The following MXI1 variants were observed in gnomAD, a reference collection of about 807,000 sequenced individuals.
The protein encoded by MXI1 is MAX interactor 1, dimerization protein.
A neutral mutation model predicts 36.9 loss-of-function variants in MXI1; 18 were observed. The ratio of observed to expected loss-of-function variants is 0.49; its 90% CI spans 0.34 to 0.72. The LOEUF (loss-of-function observed/expected upper bound fraction) is 0.72. Among genes scored for constraint, MXI1 ranks in the 30% least tolerant of loss-of-function variants. MXI1 has a pLI of 0.01. For synonymous variants in MXI1, 160 were observed against 146.7 expected, an observed-to-expected ratio of 1.09 and a Z score of -0.65; for missense variants, 304 against 379.1, an observed-to-expected ratio of 0.80 and a Z score of 1.64.
At chr10:110,221,852 A>G (rs1473029148) in intron 1 of MXI1, among the ~76,000 whole-genome samples, 1 of 151,892 alleles carries the variant, frequency 6.6e-6, no homozygotes, top group African/African-American at 2.4e-5. Context: ...CAGCTCGGGC[A>G]GCACCTGAGT....
At chr10:110,255,222 A>G (rs1856242690) in intron 3 of MXI1, among the ~76,000 whole-genome samples, 1 of 152,176 alleles carries the variant, frequency 6.6e-6, no homozygotes, top group Non-Finnish European at 1.5e-5. Context: ...TGCTCTGTAA[A>G]TGGAACAATA....
rs940200293 is a variant in MXI1, at chr10:110,280,032, G to T, written c.671G>T (p.Arg224Leu). The part of the protein sequence containing the change: ...LQGPQEMERI[R>L]MDSIGSTISS... ...GGTCCTCAGGAGATGGAACGAATAC[G>T]AATGGACAGCATTGGATCAACTATT... Residue 224 changes from arginine (R) to leucine (L), a missense_variant, in exon 5 of 6, where the codon CGA becomes CTA. By Grantham distance (102) the Arg-to-Leu change is moderately radical. This residue lies in a region of MXI1 where 125 missense variants were observed against 194.3 expected (regional missense o/e 0.64). Coordinates refer to ENST00000332674, the MANE Select transcript of MXI1 (RefSeq NM_130439.3). 5.6e-6 allele frequency: 9 copies of T among 1,605,578 alleles called. No individual in the cohort carries two copies. Among genetic ancestry groups the T allele is most frequent in the Non-Finnish European group, 7.7e-6 (9 of 1,174,598 alleles).
In MXI1 at chr10:110,256,622, A is replaced by G. The variant is rs200111512; in HGVS notation, c.437+11765A>G. Among the ~76,000 whole-genome samples, 311 of 151,340 alleles carry G rather than the reference A, an allele frequency of 2.1e-3. 12 individuals carry two copies. The East Asian group carries it at 0.043, about 21-fold the overall frequency. Reference sequence around the variant, plus strand: ...TGTCTCAAAAAAAAAAAAAAAAAAAAAAAAAAAGAAATGGCCAATATACAT... The same window carrying G: ...TGTCTCAAAAAAAAAAAAAAAAAAAGAAAAAAAGAAATGGCCAATATACAT... On this transcript the variant is annotated intron_variant, in intron 3 of 5. Transcript: ENST00000332674.
At chr10:110,284,428 C>T (rs1346296225) in intron 5 of MXI1, among the ~76,000 whole-genome samples, 1 of 152,040 alleles carries the variant, frequency 6.6e-6, no homozygotes, top group Non-Finnish European at 1.5e-5. Flanking sequence ...ATGCTCCTGC[C>T]CACCCTTTAA....
chr10:110,243,192 G>A (rs1050786351), intron 2 of MXI1, among the ~76,000 whole-genome samples: 2 of 151,908 alleles, frequency 1.3e-5, no homozygotes, highest in African/African-American at 4.8e-5. Flanking sequence ...TTTGAGCTCC[G>A]AGTCTCTGTT....
chr10:110,220,460 G>T (rs1854774410), intron 1 of MXI1, among the ~76,000 whole-genome samples: 1 of 152,228 alleles, frequency 6.6e-6, no homozygotes, highest in South Asian at 2.1e-4. Flanking sequence ...GAGGCTGAGA[G>T]AACGCAGATA....
At position 110,283,264 on chromosome 10, in the gene MXI1, C is replaced by CTT. The variant is rs573643785; in HGVS notation, c.725-1546_725-1545dup. 4.1e-3 allele frequency among the ~76,000 whole-genome samples: 596 copies of CTT among 144,016 alleles called. 5 individuals carry two copies. The highest frequency in any genetic ancestry group is 9.2e-3 in the South Asian group (42 of 4,586). The allele number at this position is 144,016 out of a possible 152,430, so 94.5% of individuals were successfully genotyped here. A position where few individuals can be genotyped will look rare whatever the true frequency, so the allele number is the denominator to read the frequency against. On this transcript the variant is annotated intron_variant, in intron 5 of 5. Coordinates refer to ENST00000332674, the MANE Select transcript of MXI1 (RefSeq NM_130439.3). Reference sequence around the variant, plus strand: ...GTCCTTTTGGCCTCACAAGAATCCACTTTTTTTTTTTTTTTGAGAGAGAGT... The same window carrying CTT: ...GTCCTTTTGGCCTCACAAGAATCCACTTTTTTTTTTTTTTTTTGAGAGAGAGT...
intron 3 of MXI1, among the ~76,000 whole-genome samples, chr10:110,247,981 G>A (rs1426430871): frequency 1.3e-5 from 2 of 152,202 alleles, no homozygotes; most frequent in African/African-American, 2.4e-5. Context: ...TTAAGAAAAT[G>A]TGGCACATAT....
At chr10:110,227,977 A>G (rs997110486) in intron 1 of MXI1, 34 of 563,772 alleles carry the variant, frequency 6.0e-5, no homozygotes, top group Non-Finnish European at 1.0e-4. Context: ...TCTTTGGTTT[A>G]GAGGAGGTAT....
intron 3 of MXI1, among the ~76,000 whole-genome samples, chr10:110,258,926 G>A (rs1366070885): frequency 7.2e-6 from 1 of 139,816 alleles, no homozygotes; most frequent in African/African-American, 3.0e-5. Flanking sequence ...CGGAGACAAA[G>A]ACTGAATTGT....
chr10:110,233,752 A>C (rs529540753), intron 2 of MXI1, among the ~76,000 whole-genome samples: 1 of 152,260 alleles, frequency 6.6e-6, no homozygotes, highest in South Asian at 2.1e-4. Flanking sequence ...CCCAAGAATT[A>C]CTTATATGCC....
At chr10:110,266,011 G>T (rs921015180) in intron 3 of MXI1, among the ~76,000 whole-genome samples, 7 of 152,178 alleles carry the variant, frequency 4.6e-5, no homozygotes, top group Admixed American at 3.9e-4. Flanking sequence ...ATAGGCCTGA[G>T]AGTACATTTG....
intron 3 of MXI1, among the ~76,000 whole-genome samples, chr10:110,263,428 A>C (rs1376268481): frequency 1.3e-5 from 2 of 152,170 alleles, no homozygotes; most frequent in African/African-American, 4.8e-5. Context: ...CTCTTTGCTA[A>C]AGTTGTACCA....
At chr10:110,260,415 A>G (rs1396095678) in intron 3 of MXI1, among the ~76,000 whole-genome samples, 2 of 103,724 alleles carry the variant, frequency 1.9e-5, no homozygotes, top group Non-Finnish European at 1.9e-5. Context: ...TCCTTGATAC[A>G]GGTGTGTGTG....
At chr10:110,270,029 G>A (rs553447387) in intron 3 of MXI1, among the ~76,000 whole-genome samples, 2 of 152,146 alleles carry the variant, frequency 1.3e-5, no homozygotes, top group South Asian at 2.1e-4. Flanking sequence ...CTCTCCCATC[G>A]ATGGCTAAGT....
intron 1 of MXI1, chr10:110,226,159 G>C: frequency 7.2e-7 from 1 of 1,386,512 alleles, no homozygotes; most frequent in Non-Finnish European, 9.4e-7. Context: ...GGCGCCTCCT[G>C]TCGGCCCGAG....
At chr10:110,261,022 C>G (rs535767156) in intron 3 of MXI1, 2 of 985,156 alleles carry the variant, frequency 2.0e-6, no homozygotes, top group Admixed American at 1.2e-4. Flanking sequence ...CTCCAGTGAT[C>G]ACTGGATGGA....
intron 3 of MXI1, among the ~76,000 whole-genome samples, chr10:110,249,626 A>G (rs1457899960): frequency 6.6e-6 from 1 of 152,104 alleles, no homozygotes; most frequent in Non-Finnish European, 1.5e-5. Flanking sequence ...ATACTGAAAA[A>G]TGAAACTCAC....
At position 110,284,944 on chromosome 10, in the gene MXI1, AG is replaced by A; in HGVS notation, c.848del (p.Gly283ValfsTer41). The A allele has an allele frequency of 1.2e-6, 2 of 1,613,958 alleles. No individual in the cohort carries two copies. The highest frequency in any genetic ancestry group is 1.7e-6 in the Non-Finnish European group (2 of 1,179,966). On this transcript the variant is annotated frameshift_variant, in exon 6 of 6. Coordinates refer to ENST00000332674, the MANE Select transcript of MXI1 (RefSeq NM_130439.3). LOFTEE classifies it high-confidence loss of function. Reference sequence around the variant, plus strand: ...AGCCTGCCGAGTATTGGGAGTGACGAGGGTTACTCCAGTGCCAGTGTCAAAC... The same window carrying A: ...AGCCTGCCGAGTATTGGGAGTGACGAGGTTACTCCAGTGCCAGTGTCAAAC... ...HSSLPSIGSDEGYSSASVKLS... is the reference protein window; with the variant it reads ...HSSLPSIGSDXGYSSASVKLS...
Sources: allele counts gnomAD v4.1 joint callset (sites outside exome capture counted in the v4.1 genomes callset), GRCh38; gene constraint gnomAD v4.1.1; regional missense constraint gnomAD v4.1.1; transcripts MANE v1.5; gene names NCBI Gene and HGNC (gene_info 2026-07-23, HGNC 2026-07-21).